Variants in FHOD3 observed in about 807,000 individuals in gnomAD.
FHOD3 encodes the protein formin homology 2 domain containing 3.
Under a neutral mutation model 173.0 loss-of-function variants are expected in FHOD3, and 90 were observed. The ratio of observed to expected loss-of-function variants is 0.52; its 90% CI spans 0.44 to 0.62. The LOEUF (loss-of-function observed/expected upper bound fraction) is 0.62. Ranked by LOEUF, FHOD3 falls within the 20% of genes least tolerant of loss-of-function variation. The pLI, the probability that FHOD3 is intolerant of heterozygous loss-of-function variation, is 0.00. For missense variants in FHOD3, 1,945 were observed against 2,034.7 expected (o/e 0.96, Z 0.85); for synonymous variants, 828 against 823.0 (o/e 1.01, Z -0.10).
At chr18:36,360,053 G>A (rs1331090774) in intron 2 of FHOD3, among the ~76,000 whole-genome samples, 1 of 152,220 alleles carries the variant, frequency 6.6e-6, no homozygotes, top group Non-Finnish European at 1.5e-5. Context: ...GCTGAGCTGG[G>A]CCAGAACCTC....
chr18:36,756,299 A>ACAATCAC (rs1277442394), intron 25 of FHOD3, among the ~76,000 whole-genome samples: 1 of 152,046 alleles, frequency 6.6e-6, no homozygotes, highest in East Asian at 1.9e-4. Flanking sequence ...TCATATTTGG[A>ACAATCAC]ACTTGTTGAA....
chr18:36,302,073 C>T (rs1183276737), intron 1 of FHOD3, among the ~76,000 whole-genome samples: 1 of 152,190 alleles, frequency 6.6e-6, no homozygotes, highest in Admixed American at 6.5e-5. Context: ...AAGGAAGTCA[C>T]CTGGTCACAT....
intron 18 of FHOD3, among the ~76,000 whole-genome samples, chr18:36,716,793 G>A (rs2149752170): frequency 6.6e-6 from 1 of 152,318 alleles, no homozygotes. Flanking sequence ...GAAATTGGAG[G>A]CAGTGGGCAA....
At chr18:36,748,387 ACAC>A (rs1568724044) in intron 24 of FHOD3, among the ~76,000 whole-genome samples, 1,670 of 105,890 alleles carry the variant, frequency 0.016, 29 homozygotes, top group African/African-American at 0.055. Flanking sequence ...CACACAACAC[ACAC>A]ACACACACAC....
At chr18:36,380,558 T>TTTTC (rs2047699667) in intron 3 of FHOD3, among the ~76,000 whole-genome samples, 2 of 61,612 alleles carry the variant, frequency 3.2e-5, no homozygotes, top group Non-Finnish European at 6.5e-5. Context: ...TTTTGTTTTC[T>TTTTC]TTTCTTTTCT....
intron 8 of FHOD3, among the ~76,000 whole-genome samples, chr18:36,603,694 G>A (rs1375283031): frequency 1.3e-5 from 2 of 151,954 alleles, no homozygotes; most frequent in Non-Finnish European, 2.9e-5. Context: ...AGTAGAGTCG[G>A]GGTTTAGCCA....
At chr18:36,308,630 C>G (rs2092166963) in intron 1 of FHOD3, among the ~76,000 whole-genome samples, 1 of 152,206 alleles carries the variant, frequency 6.6e-6, no homozygotes. Context: ...CCTTCGGACC[C>G]AGGACACTGT....
At chr18:36,475,635 C>A (rs1280869992) in intron 3 of FHOD3, among the ~76,000 whole-genome samples, 1 of 152,024 alleles carries the variant, frequency 6.6e-6, no homozygotes, top group Non-Finnish European at 1.5e-5. Context: ...GTTACTCATG[C>A]TGCTTAGTTT....
At chr18:36,724,672 C>T (rs1036085139) in intron 19 of FHOD3, among the ~76,000 whole-genome samples, 3 of 152,198 alleles carry the variant, frequency 2.0e-5, no homozygotes, top group African/African-American at 4.8e-5. Flanking sequence ...TCTGCCTCTC[C>T]CTCATCTTGG....
chr18:36,561,742 T>C (rs1206092357), intron 5 of FHOD3, among the ~76,000 whole-genome samples: 2 of 152,142 alleles, frequency 1.3e-5, no homozygotes, highest in African/African-American at 4.8e-5. Context: ...CTCCATCTTT[T>C]TTCTTTGTAC....
At chr18:36,382,611 TA>T (rs2047846830) in intron 3 of FHOD3, among the ~76,000 whole-genome samples, 1 of 152,226 alleles carries the variant, frequency 6.6e-6, no homozygotes, top group South Asian at 2.1e-4. Flanking sequence ...AGGGCTCCAG[TA>T]CCCTCAAGGC....
At chr18:36,421,222 A>G (rs553921319) in intron 3 of FHOD3, among the ~76,000 whole-genome samples, 6 of 152,372 alleles carry the variant, frequency 3.9e-5, no homozygotes, top group Admixed American at 3.3e-4. Context: ...GGATTAGGGT[A>G]GCTTGCCACA....
At chr18:36,453,496 C>T (rs1343442575) in intron 3 of FHOD3, among the ~76,000 whole-genome samples, 4 of 152,208 alleles carry the variant, frequency 2.6e-5, no homozygotes, top group Admixed American at 1.3e-4. Context: ...GGGCGTATGC[C>T]CCTACGTGCT....
At chr18:36,752,997 A>G (rs2042470477) in intron 24 of FHOD3, among the ~76,000 whole-genome samples, 1 of 152,226 alleles carries the variant, frequency 6.6e-6, no homozygotes, top group Non-Finnish European at 1.5e-5. Context: ...AGCCAGGAAG[A>G]AAAAATAAGA....
chr18:36,735,949 C>G (rs189731286), intron 20 of FHOD3, among the ~76,000 whole-genome samples: 2 of 152,334 alleles, frequency 1.3e-5, no homozygotes, highest in East Asian at 3.9e-4. Context: ...ACATGACTTT[C>G]AGATACAAAA....
chr18:36,660,071 C>T (rs1255748063), intron 14 of FHOD3, among the ~76,000 whole-genome samples: 2 of 152,110 alleles, frequency 1.3e-5, no homozygotes, highest in African/African-American at 4.8e-5. Flanking sequence ...GAGTTTGAGA[C>T]CAGCCCAACC....
intron 20 of FHOD3, among the ~76,000 whole-genome samples, chr18:36,731,802 C>A (rs2041375598): frequency 6.6e-6 from 1 of 152,210 alleles, no homozygotes; most frequent in African/African-American, 2.4e-5. Flanking sequence ...AGTGGGCACA[C>A]AGTACGTAGA....
Position 36,718,675 on chromosome 18 carries a change from AC to A in FHOD3, c.3379del (p.Leu1127CysfsTer39). ...PIKVDTSRLE[H>X]LFESKSKELS... ...AAGGTGGACACTTCCAGACTGGAGC[AC>A]CTGTTTGAGTCTAAATCCAAGGAAC... On this transcript the variant is annotated frameshift_variant, in exon 19 of 29. Coordinates refer to ENST00000590592, the MANE Select transcript of FHOD3 (RefSeq NM_001281740.3). LOFTEE classifies it high-confidence loss of function. 2 of 1,614,120 alleles carry A rather than the reference AC, an allele frequency of 1.2e-6. No individual in the cohort carries two copies. The highest frequency in any genetic ancestry group is 2.2e-5 in the South Asian group (2 of 91,084).
intron 2 of FHOD3, among the ~76,000 whole-genome samples, chr18:36,361,685 C>CAAAAAAAAA (rs539956783): frequency 3.0e-5 from 2 of 66,912 alleles, no homozygotes; most frequent in Non-Finnish European, 7.0e-5. Flanking sequence ...GACTCCGTCT[C>CAAAAAAAAA]AAAAAAAAAA....
Sources: allele counts gnomAD v4.1 joint callset (sites outside exome capture counted in the v4.1 genomes callset), GRCh38; gene constraint gnomAD v4.1.1; transcripts MANE v1.5; gene names NCBI Gene and HGNC (gene_info 2026-07-23, HGNC 2026-07-21).